MBP: variants seen among roughly 807,000 people sequenced by gnomAD.
MBP encodes the protein myelin basic protein, also known as Golli-MBP.
Under a neutral mutation model 35.8 loss-of-function variants are expected in MBP, and 16 were observed. That is an observed-to-expected ratio of 0.45 (90% CI 0.30 to 0.68). The LOEUF (loss-of-function observed/expected upper bound fraction) is 0.68, where lower values mean the gene tolerates loss of function less well. Ranked by LOEUF, MBP falls within the 30% of genes least tolerant of loss-of-function variation. The probability of loss-of-function intolerance (pLI) is 0.08; values close to 1 mark genes in which losing one functional copy is unlikely to be tolerated. For synonymous variants in MBP, 143 were observed against 159.6 expected (o/e 0.90, Z 0.78); for missense variants, 380 against 404.7 (o/e 0.94, Z 0.52).
At chr18:77,098,722 T>C (rs1031283153) in intron 2 of MBP, among the ~76,000 whole-genome samples, 3 of 152,154 alleles carry the variant, frequency 2.0e-5, no homozygotes, top group Non-Finnish European at 4.4e-5. Flanking sequence ...TGGGAGGGCT[T>C]TGAGGCACCG....
At chr18:77,067,183 C>T (rs1172131778) in intron 2 of MBP, among the ~76,000 whole-genome samples, 1 of 152,238 alleles carries the variant, frequency 6.6e-6, no homozygotes, top group Non-Finnish European at 1.5e-5. Context: ...TGGCTGCGTG[C>T]TGAAACCCCG....
chr18:77,032,089 G>A (rs888484203), intron 3 of MBP, among the ~76,000 whole-genome samples: 1 of 152,222 alleles, frequency 6.6e-6, no homozygotes, highest in Non-Finnish European at 1.5e-5. Flanking sequence ...TGGAGAAGGC[G>A]CCGGGGGCAC....
intron 3 of MBP, among the ~76,000 whole-genome samples, chr18:77,019,709 T>A (rs1273251709): frequency 6.6e-6 from 1 of 152,152 alleles, no homozygotes; most frequent in Admixed American, 6.5e-5. Flanking sequence ...AGGGCTTGGG[T>A]CAGCAGGAAG....
At chr18:77,040,861 A>G (rs2144621660) in intron 3 of MBP, among the ~76,000 whole-genome samples, 1 of 152,394 alleles carries the variant, frequency 6.6e-6, no homozygotes. Context: ...CATTGAGGAC[A>G]TAGGCATGGG....
At chr18:77,056,453 CG>C (rs1438177037) in intron 3 of MBP, among the ~76,000 whole-genome samples, 4 of 152,180 alleles carry the variant, frequency 2.6e-5, no homozygotes, top group African/African-American at 9.7e-5. Context: ...TTTGTCTTCT[CG>C]AAGGACCCAG....
rs1969227458 is a variant in MBP, at chr18:76,981,930, G to A, written c.871-1459C>T. On this transcript the variant is annotated intron_variant, in intron 8 of 8. Transcript: ENST00000355994. ...TAGAACCACTGTCCTATGAAACAAA[G>A]TGCTTCTGTGCTGAAATGGAGTAAG... 2.6e-5 allele frequency: 4 copies of A among 152,264 alleles called. No individual in the cohort carries two copies. The South Asian group carries it at 8.3e-4, about 32-fold the overall frequency. 9.4% of individuals were successfully genotyped at this position (152,264 alleles called of 1,614,324 possible).
chr18:77,126,374 A>G (rs1439819837), intron 1 of MBP, among the ~76,000 whole-genome samples: 2 of 152,208 alleles, frequency 1.3e-5, no homozygotes, highest in Non-Finnish European at 2.9e-5. Flanking sequence ...TACAACACAC[A>G]TTCATGAATA....
intron 3 of MBP, among the ~76,000 whole-genome samples, chr18:77,025,382 C>T (rs1972166907): frequency 6.6e-6 from 1 of 152,178 alleles, no homozygotes. Context: ...GAGCCAGGGC[C>T]CCCGCCTGCA....
intron 3 of MBP, among the ~76,000 whole-genome samples, chr18:77,022,255 C>T (rs891643713): frequency 2.6e-5 from 4 of 152,172 alleles, no homozygotes; most frequent in Non-Finnish European, 4.4e-5. Context: ...CCCAGGGTCG[C>T]GGTGGTCTCG....
At chr18:77,067,755 A>C (rs1974256832) in intron 2 of MBP, 9 of 478,574 alleles carry the variant, frequency 1.9e-5, no homozygotes, top group South Asian at 1.4e-4. Flanking sequence ...TTTTCCACCC[A>C]ATCTCTCATT....
chr18:77,115,434 C>T (rs1617144), intron 1 of MBP: 65,426 of 152,090 alleles, frequency 0.43, 14,917 homozygotes, highest in Non-Finnish European at 0.5. Context: ...TGAATCTTCC[C>T]GAAAACACAG....
chr18:77,125,696 T>C (rs1977025354), intron 1 of MBP, among the ~76,000 whole-genome samples: 1 of 152,192 alleles, frequency 6.6e-6, no homozygotes. Context: ...AAGTAAATCA[T>C]AGCGTAAATC....
At chr18:77,058,726 T>C (rs773429132) in intron 3 of MBP, among the ~76,000 whole-genome samples, 2 of 152,246 alleles carry the variant, frequency 1.3e-5, no homozygotes, top group Non-Finnish European at 2.9e-5. Flanking sequence ...AAGCAGCTTA[T>C]TCCGTGGAGG....
intron 8 of MBP, chr18:76,983,306 T>C (rs923587242): frequency 2.6e-5 from 4 of 152,182 alleles, no homozygotes; most frequent in Non-Finnish European, 4.4e-5. Flanking sequence ...AACACCTAGT[T>C]CGCCCTTGGA....
chr18:77,000,573 T>C (rs757719799), intron 4 of MBP, among the ~76,000 whole-genome samples: 34 of 152,258 alleles, frequency 2.2e-4, no homozygotes, highest in Admixed American at 5.9e-4. Context: ...GCTGTTTGAT[T>C]GCATGATTTT....
At chr18:77,056,629 C>T (rs540665430) in intron 3 of MBP, among the ~76,000 whole-genome samples, 1 of 152,328 alleles carries the variant, frequency 6.6e-6, no homozygotes, top group Non-Finnish European at 1.5e-5. Flanking sequence ...ACCAGCTCAC[C>T]CCAGTGCTTA....
At chr18:77,094,824 A>T (rs1975693950) in intron 2 of MBP, among the ~76,000 whole-genome samples, 1 of 152,060 alleles carries the variant, frequency 6.6e-6, no homozygotes, top group South Asian at 2.1e-4. Flanking sequence ...ACTTCCATCT[A>T]AATCGCTTAA....
At chr18:77,013,577 G>T in intron 4 of MBP, 1 of 985,428 alleles carries the variant, frequency 1.0e-6, no homozygotes, top group Non-Finnish European at 1.2e-6. Context: ...ATGACAAACA[G>T]TTCTTCTCCA....
At chr18:76,985,550 A>C in intron 7 of MBP, 1 of 1,115,050 alleles carries the variant, frequency 9.0e-7, no homozygotes, top group South Asian at 2.1e-5. Context: ...TCCCTTGGCC[A>C]TAGCTCGGAC....
Sources: allele counts gnomAD v4.1 joint callset (sites outside exome capture counted in the v4.1 genomes callset), GRCh38; gene constraint gnomAD v4.1.1; transcripts MANE v1.5; gene names NCBI Gene and HGNC (gene_info 2026-07-23, HGNC 2026-07-21).